GALNT13: variants seen among roughly 807,000 people sequenced by gnomAD.
The protein encoded by GALNT13 is UDP-GalNAc:polypeptide N-acetylgalactosaminyltransferase 13.
In GALNT13, 28 loss-of-function variants were observed where a neutral mutation model predicts 64.2. The ratio of observed to expected loss-of-function variants is 0.44; its 90% CI spans 0.32 to 0.60. The LOEUF (loss-of-function observed/expected upper bound fraction) is 0.60. Among genes scored for constraint, GALNT13 ranks in the 20% least tolerant of loss-of-function variants. The pLI is 0.05. For synonymous variants in GALNT13, 214 were observed against 224.6 expected (o/e 0.95, Z 0.42); for missense variants, 577 against 669.8 (o/e 0.86, Z 1.53).
chr2:154,421,390 GAT>G (rs1295976661), intron 11 of GALNT13, among the ~76,000 whole-genome samples: 5 of 152,016 alleles, frequency 3.3e-5, no homozygotes, highest in African/African-American at 1.2e-4. Flanking sequence ...CAATGTTTTA[GAT>G]ATGTCATTTA....
intron 2 of GALNT13, chr2:153,926,248 A>G (rs1220701815): frequency 6.6e-6 from 1 of 152,066 alleles, no homozygotes; most frequent in Non-Finnish European, 1.5e-5. Flanking sequence ...TTTACATGAG[A>G]TGAATATACA....
At chr2:153,610,288 AAAG>A in the GALNT13 span, among the ~76,000 whole-genome samples, 13 of 152,350 alleles carry the variant, frequency 8.5e-5, no homozygotes, top group South Asian at 2.7e-3. Context: ...TTTATTGAAA[AAAG>A]AATTTGAAAC....
the GALNT13 span, among the ~76,000 whole-genome samples, chr2:153,134,855 A>T: frequency 6.6e-6 from 1 of 152,150 alleles, no homozygotes; most frequent in Non-Finnish European, 1.5e-5. Flanking sequence ...ACCAGTTATT[A>T]TTTAATGTGT....
At chr2:153,190,782 G>C in the GALNT13 span, among the ~76,000 whole-genome samples, 1 of 151,886 alleles carries the variant, frequency 6.6e-6, no homozygotes, top group South Asian at 2.1e-4. Flanking sequence ...TTTTGTAGAG[G>C]TCTTTCACAT....
intron 3 of GALNT13, among the ~76,000 whole-genome samples, chr2:154,011,228 T>C (rs1296638133): frequency 2.6e-5 from 4 of 152,178 alleles, no homozygotes; most frequent in African/African-American, 9.6e-5. Flanking sequence ...GATGTAGCTT[T>C]CTTCTTAATG....
At chr2:154,296,842 A>C (rs1335648607) in intron 8 of GALNT13, among the ~76,000 whole-genome samples, 2 of 152,108 alleles carry the variant, frequency 1.3e-5, no homozygotes, top group African/African-American at 4.8e-5. Context: ...ACATAGGTAT[A>C]CACCTGCCAT....
At chr2:153,780,214 GAT>G in the GALNT13 span, among the ~76,000 whole-genome samples, 1,791 of 126,684 alleles carry the variant, frequency 0.014, 10 homozygotes, top group East Asian at 0.047. Context: ...AGAATTTGAA[GAT>G]ATATATATAT....
the GALNT13 span, among the ~76,000 whole-genome samples, chr2:153,799,033 A>G: frequency 6.6e-6 from 1 of 152,164 alleles, no homozygotes; most frequent in Non-Finnish European, 1.5e-5. Context: ...TCTAAGGATT[A>G]AAAGTTTACA....
intron 9 of GALNT13, among the ~76,000 whole-genome samples, chr2:154,354,487 G>C (rs1574144864): frequency 8.5e-6 from 1 of 117,282 alleles, no homozygotes; most frequent in Non-Finnish European, 1.7e-5. Flanking sequence ...AAAAAATCTT[G>C]GCCATGGCCA....
chr2:154,290,085 A>G (rs1370363899), intron 8 of GALNT13, among the ~76,000 whole-genome samples: 2 of 152,232 alleles, frequency 1.3e-5, no homozygotes, highest in Non-Finnish European at 2.9e-5. Flanking sequence ...CACTCAATGC[A>G]TGCACAAGCT....
At chr2:154,299,986 T>TA (rs895357910) in intron 8 of GALNT13, among the ~76,000 whole-genome samples, 4 of 151,794 alleles carry the variant, frequency 2.6e-5, no homozygotes, top group Non-Finnish European at 4.4e-5. Flanking sequence ...TATCTTCTGA[T>TA]AAAAAAAGTG....
intron 3 of GALNT13, among the ~76,000 whole-genome samples, chr2:154,046,174 A>G (rs1240196882): frequency 6.6e-6 from 1 of 152,116 alleles, no homozygotes; most frequent in Non-Finnish European, 1.5e-5. Flanking sequence ...ATAAAAAAAG[A>G]AGAAGATGGG....
rs1439130963 is a variant in GALNT13, at chr2:154,398,324, C to T, written c.1296+2194C>T. On this transcript the variant is annotated intron_variant, in intron 10 of 12. Transcript: ENST00000392825. Reference sequence around the variant, plus strand: ...ACTTTTGGAAATCCTCTGGGGCCACCAAGGTGACTCCTGAGAAAGACTCAG... The same window carrying T: ...ACTTTTGGAAATCCTCTGGGGCCACTAAGGTGACTCCTGAGAAAGACTCAG... Among the ~76,000 whole-genome samples the T allele has an allele frequency of 2.0e-5, 3 of 152,146 alleles. No homozygotes were observed. The East Asian group carries it at 5.8e-4, about 29-fold the overall frequency.
At chr2:153,256,038 C>T in the GALNT13 span, among the ~76,000 whole-genome samples, 1 of 152,136 alleles carries the variant, frequency 6.6e-6, no homozygotes, top group Non-Finnish European at 1.5e-5. Flanking sequence ...GGGAAGTTCT[C>T]CTGCATAATA....
At chr2:153,911,004 A>T (rs886631825) in intron 2 of GALNT13, among the ~76,000 whole-genome samples, 5 of 152,180 alleles carry the variant, frequency 3.3e-5, no homozygotes, top group African/African-American at 1.2e-4. Flanking sequence ...TGATCTGTCC[A>T]GTACTGTCAG....
At chr2:153,665,457 G>A in the GALNT13 span, among the ~76,000 whole-genome samples, 3 of 152,140 alleles carry the variant, frequency 2.0e-5, no homozygotes, top group South Asian at 4.1e-4. Flanking sequence ...TAATATATAT[G>A]TGTAGATGTG....
chr2:153,953,844 T>C (rs1441396436), intron 3 of GALNT13, among the ~76,000 whole-genome samples: 1 of 152,074 alleles, frequency 6.6e-6, no homozygotes, highest in Non-Finnish European at 1.5e-5. Flanking sequence ...CCAATGCTGC[T>C]CTGAATTGGG....
chr2:153,543,004 C>T, the GALNT13 span, among the ~76,000 whole-genome samples: 1 of 152,122 alleles, frequency 6.6e-6, no homozygotes. Flanking sequence ...TTTTAAAAGG[C>T]TGAGATAAAA....
chr2:153,207,928 C>T, the GALNT13 span, among the ~76,000 whole-genome samples: 1 of 152,234 alleles, frequency 6.6e-6, no homozygotes, highest in Middle Eastern at 3.4e-3. Flanking sequence ...CCACAAAATT[C>T]TGTATTCATT....
Sources: allele counts gnomAD v4.1 joint callset (sites outside exome capture counted in the v4.1 genomes callset), GRCh38; gene constraint gnomAD v4.1.1; transcripts MANE v1.5; gene names NCBI Gene and HGNC (gene_info 2026-07-23, HGNC 2026-07-21).